Variants in KLHL13 observed in about 807,000 individuals in gnomAD.
KLHL13 encodes kelch like family member 13.
A neutral mutation model predicts 37.1 loss-of-function variants in KLHL13; 10 were observed. The observed-to-expected ratio is 0.27, with a 90% CI of 0.17 to 0.46. The LOEUF (loss-of-function observed/expected upper bound fraction) is 0.46, where lower values mean the gene tolerates loss of function less well. Among genes scored for constraint, KLHL13 ranks in the 20% least tolerant of loss-of-function variants. The pLI, the probability that KLHL13 is intolerant of heterozygous loss-of-function variation, is 1.00. For missense variants in KLHL13, 360 were observed against 509.3 expected, an observed-to-expected ratio of 0.71 and a Z score of 2.82; for synonymous variants, 163 against 181.2, an observed-to-expected ratio of 0.90 and a Z score of 0.81.
At chrX:117,910,120 T>C (rs764772062) in intron 4 of KLHL13, 24 bp from the exon 6 acceptor site, 96 of 1,076,456 alleles carry the variant, frequency 8.9e-5, no homozygotes, top group Non-Finnish European at 1.1e-4. Flanking sequence ...TAAAAAAAAT[T>C]AAAACATGAC....
At chrX:118,048,018 G>T (rs1183710292) in intron 1 of KLHL13, among the ~76,000 whole-genome samples, 2 of 111,263 alleles carry the variant, frequency 1.8e-5, no homozygotes, top group Non-Finnish European at 3.8e-5. Context: ...GAGGCAACTG[G>T]AGACCTTGTT....
At chrX:118,009,958 G>A (rs1227017972) in intron 1 of KLHL13, among the ~76,000 whole-genome samples, 2 of 109,984 alleles carry the variant, frequency 1.8e-5, no homozygotes, top group Admixed American at 2.0e-4. Flanking sequence ...CCTTGAAGAA[G>A]ACATTTATGC....
chrX:118,073,137 C>T (rs928929447), intron 1 of KLHL13, among the ~76,000 whole-genome samples: 3 of 109,838 alleles, frequency 2.7e-5, no homozygotes, highest in Non-Finnish European at 3.8e-5. Flanking sequence ...GTCCTCATTC[C>T]CTCTATTTCT....
At chrX:118,018,206 CCGCT>C (rs760855918) in intron 1 of KLHL13, among the ~76,000 whole-genome samples, 252 of 111,571 alleles carry the variant, frequency 2.3e-3, no homozygotes, top group African/African-American at 7.5e-3. Flanking sequence ...ACACTGACCT[CCGCT>C]CACTCTTAAC....
chrX:118,047,985 T>A (rs779884594), intron 1 of KLHL13, among the ~76,000 whole-genome samples: 2 of 111,086 alleles, frequency 1.8e-5, no homozygotes, highest in African/African-American at 6.5e-5. Flanking sequence ...AAGTGAGAAA[T>A]GACAACTTAG....
chrX:118,035,668 T>C (rs2054429258), intron 1 of KLHL13, among the ~76,000 whole-genome samples: 1 of 111,032 alleles, frequency 9.0e-6, no homozygotes, highest in Non-Finnish European at 1.9e-5. Context: ...AAGCATTCCT[T>C]TTGAAAACAG....
exon 1 of KLHL13, chrX:117,973,179 T>C: frequency 2.2e-6 from 2 of 913,019 alleles, no homozygotes; most frequent in Non-Finnish European, 2.7e-6. Flanking sequence ...AAGCTTGCAA[T>C]ACCATTGTTC....
chrX:118,013,618 C>T lies in KLHL13; in HGVS notation c.-55-68043G>A, dbSNP rs1447953110. On this transcript the variant is annotated intron_variant, in intron 1 of 6. Coordinates refer to the KLHL13 transcript ENST00000371882. ...AAACCAATGTGACAAACAAAATGTA[C>T]ATTAAAGGGAGTAAAGAGAGGATTT... 2.7e-5 allele frequency among the ~76,000 whole-genome samples: 3 copies of T among 110,925 alleles called. No individual in the cohort carries two copies. The Admixed American group carries it at 2.9e-4, about 11-fold the overall frequency.
intron 1 of KLHL13, among the ~76,000 whole-genome samples, chrX:118,066,065 T>C (rs192465783): frequency 8.9e-6 from 1 of 111,786 alleles, no homozygotes; most frequent in Admixed American, 9.5e-5. Context: ...GTAATATTTA[T>C]TTAGTAGTGG....
At chrX:117,908,334 G>C (rs1225931459) in intron 5 of KLHL13, among the ~76,000 whole-genome samples, 1 of 108,699 alleles carries the variant, frequency 9.2e-6, no homozygotes, top group Non-Finnish European at 1.9e-5. Context: ...ATGGTGGTTT[G>C]CTGCACCCAT....
At chrX:117,903,584 T>A (rs1432296892) in intron 5 of KLHL13, among the ~76,000 whole-genome samples, 1 of 111,479 alleles carries the variant, frequency 9.0e-6, no homozygotes, top group Non-Finnish European at 1.9e-5. Flanking sequence ...GCATGACTTT[T>A]ACCTAACGGA....
Position 118,102,565 on chromosome X carries a change from T to C in KLHL13, c.-56+13943A>G, listed in dbSNP as rs112514634. ...CTCATAGAATGAAGATAGAACTTTG[T>C]TCACCACTGCATCCCCATCACCTGG... On this transcript the variant is annotated intron_variant, in intron 1 of 6. Transcript: ENST00000371882. Among the ~76,000 whole-genome samples the C allele has an allele frequency of 1.2e-3, 132 of 112,439 alleles. 1 individual carries two copies. The highest frequency in any genetic ancestry group is 4.1e-3 in the African/African-American group (128 of 31,054).
chrX:117,968,621 T>G (rs1380034407), intron 1 of KLHL13, among the ~76,000 whole-genome samples: 1 of 111,956 alleles, frequency 8.9e-6, no homozygotes, highest in Non-Finnish European at 1.9e-5. Flanking sequence ...AGTAAAAGTT[T>G]ATGTTCTCAA....
chrX:117,912,591 A>G (rs1268301523), intron 4 of KLHL13, among the ~76,000 whole-genome samples: 4 of 112,446 alleles, frequency 3.6e-5, no homozygotes, highest in Admixed American at 9.4e-5. Context: ...TCATATATAC[A>G]GACACACAAG....
intron 1 of KLHL13, among the ~76,000 whole-genome samples, chrX:118,111,087 C>T (rs751882911): frequency 2.7e-5 from 3 of 112,447 alleles, no homozygotes; most frequent in Non-Finnish European, 5.6e-5. Flanking sequence ...CCCTAATCTC[C>T]ACCACCCACA....
chrX:117,935,586 G>A (rs1230872143), intron 2 of KLHL13, among the ~76,000 whole-genome samples: 5 of 111,673 alleles, frequency 4.5e-5, no homozygotes, highest in East Asian at 2.8e-4. Flanking sequence ...CAACCATGGC[G>A]GAAGGTGAAA....
intron 1 of KLHL13, among the ~76,000 whole-genome samples, chrX:117,999,022 T>C (rs997549520): frequency 9.0e-6 from 1 of 111,183 alleles, no homozygotes; most frequent in Non-Finnish European, 1.9e-5. Flanking sequence ...ATTGTCAAAG[T>C]ACTTCCTTCC....
intron 2 of KLHL13, among the ~76,000 whole-genome samples, chrX:117,931,033 C>T (rs1363224244): frequency 9.0e-6 from 1 of 111,721 alleles, no homozygotes; most frequent in Non-Finnish European, 1.9e-5. Flanking sequence ...AAGCATTTAC[C>T]TCAGGATAAA....
In KLHL13 at chrX:117,963,820, G is replaced by A. The variant is rs748876653; in HGVS notation, c.98+8911C>T. Among the ~76,000 whole-genome samples the A allele has an allele frequency of 2.8e-5, 3 of 106,840 alleles. No homozygotes were observed. In the South Asian group the frequency reaches 1.3e-3, roughly 48 times the overall value. 92.8% of individuals were successfully genotyped at this position (106,840 alleles called of 115,157 possible). ...GATTTGCATTTCTCTGATGGCCAGTGATGATGAGCATTACATATACACCAT... is the reference window on the plus strand; with the variant it reads ...GATTTGCATTTCTCTGATGGCCAGTAATGATGAGCATTACATATACACCAT... On this transcript the variant is annotated intron_variant, in intron 1 of 6. Transcript: ENST00000262820.
Sources: gnomAD v4.1 joint callset for allele counts (sites outside exome capture counted in the v4.1 genomes callset) on GRCh38, gnomAD v4.1.1 for gene constraint, MANE v1.5 for transcripts, NCBI Gene and HGNC (gene_info 2026-07-23, HGNC 2026-07-21) for gene names.